The following PCDHGB1 variants were observed in gnomAD, a reference collection of about 807,000 sequenced individuals.
PCDHGB1 encodes the protein protocadherin gamma-B1.
Under a neutral mutation model 56.6 loss-of-function variants are expected in PCDHGB1, and 34 were observed. The observed-to-expected ratio is 0.60, with a 90% CI of 0.46 to 0.80. PCDHGB1 has a LOEUF of 0.80. PCDHGB1 is among the 30% of genes least tolerant of loss of function. PCDHGB1 has a pLI of 0.00. For synonymous variants in PCDHGB1, 561 were observed against 505.9 expected (o/e 1.11, Z -1.46); for missense variants, 1,278 against 1,204.6 (o/e 1.06, Z -0.90).
At chr5:141,452,909 TAC>T (rs1370071626) in intron 1 of PCDHGB1, among the ~76,000 whole-genome samples, 2 of 152,232 alleles carry the variant, frequency 1.3e-5, no homozygotes, top group African/African-American at 4.8e-5. Context: ...GTTGGCATTA[TAC>T]AGTAAGAAAG....
rs1562137380 is a variant in PCDHGB1, at chr5:141,490,297, G to T, written c.2410-4510G>T. On this transcript the variant is annotated intron_variant, in intron 1 of 3. Coordinates refer to ENST00000523390, the MANE Select transcript of PCDHGB1 (RefSeq NM_018922.3). This position sits in a 1 kb window ranked among gnomAD's most constrained non-coding sequence, Gnocchi z 5.4. The stretch of plus-strand genomic sequence containing the variant: ...TGACAATGCCCCAGAGGTGCTATTG[G>T]CCTCTTTGGCCAACCCTGTCCTAGA... 2 of 1,614,202 alleles carry T rather than the reference G, an allele frequency of 1.2e-6. No individual in the cohort carries two copies. Among genetic ancestry groups the T allele is most frequent in the South Asian group, 1.1e-5 (1 of 91,086 alleles).
chr5:141,375,879 G>A, intron 1 of PCDHGB1: 1 of 1,613,144 alleles, frequency 6.2e-7, no homozygotes, highest in South Asian at 1.1e-5. Flanking sequence ...AGAGACTCGG[G>A]CCAGAACGCC....
chr5:141,366,874 A>G, intron 1 of PCDHGB1: 2 of 1,387,376 alleles, frequency 1.4e-6, no homozygotes, highest in East Asian at 4.7e-5. Context: ...TGTATTGGAG[A>G]TTAATTTTTT....
chr5:141,400,678 TTG>T, intron 1 of PCDHGB1: 1 of 882,002 alleles, frequency 1.1e-6, no homozygotes, highest in Non-Finnish European at 1.7e-6. Flanking sequence ...GAGCAGTAAA[TTG>T]TGAGTTTTTA....
intron 1 of PCDHGB1, among the ~76,000 whole-genome samples, chr5:141,402,305 A>AT (rs2150927260): frequency 6.6e-6 from 1 of 152,140 alleles, no homozygotes; most frequent in South Asian, 2.1e-4. Flanking sequence ...GTATTAATAC[A>AT]ATTATATATT....
At chr5:141,413,561 A>G in intron 1 of PCDHGB1, 1 of 1,613,924 alleles carries the variant, frequency 6.2e-7, no homozygotes. Flanking sequence ...GAAGTAACTG[A>G]TATCAATGAC....
chr5:141,461,988 T>A (rs771762127), intron 1 of PCDHGB1, among the ~76,000 whole-genome samples: 1 of 152,170 alleles, frequency 6.6e-6, no homozygotes, highest in Non-Finnish European at 1.5e-5. Flanking sequence ...CACGCCAGGC[T>A]AATTTTGTAT....
rs200349180 is a variant in PCDHGB1, at chr5:141,351,181, G to C, written c.921G>C (p.Glu307Asp). 1.2e-6 allele frequency: 2 copies of C among 1,613,920 alleles called. No individual in the cohort carries two copies. The highest frequency in any genetic ancestry group is 2.7e-5 in the African/African-American group (2 of 74,930). The change falls in exon 1 of 4, where the codon GAG becomes GAC. Residue 307 changes from glutamate to aspartate, a missense_variant. Coordinates refer to ENST00000523390, the MANE Select transcript of PCDHGB1 (RefSeq NM_018922.3). ...ITTNGTLDFE[E>D]TSRYVLSVEA... ...CCAATGGCACATTGGATTTTGAAGA[G>C]ACAAGTAGATATGTGTTGAGTGTGG...
chr5:141,490,157 G>A lies in PCDHGB1; in HGVS notation c.2410-4650G>A. 6.2e-7 allele frequency: 1 copy of A among 1,614,210 alleles called. No homozygotes were observed. On this transcript the variant is annotated intron_variant, in intron 1 of 3. Transcript: ENST00000523390. The surrounding 1 kb of genome is among the most constrained non-coding windows in gnomAD (Gnocchi z 5.4). ...AGCAGTGGGGCAATCCATGTGTTGG[G>A]TCCCATAGACTTTGAGGAGTCACGT...
At position 141,510,947 on chromosome 5, in the gene PCDHGB1, A is replaced by C; in HGVS notation, c.2558A>C (p.Glu853Ala). Residue 853 changes from glutamate to alanine, a missense_variant and splice_region_variant, in exon 4 of 4, where the codon GAA (glutamate) becomes GCA (alanine). By Grantham distance (107) the Glu-to-Ala change is moderately radical. Transcript: ENST00000523390. ...ACCTGATCTTCCTCTGTCTCTGCAG[A>C]AGCTGCTGATGGGAGCTCCACCCTG... ...LQAMILASAS[E>A]AADGSSTLGG... The C allele has an allele frequency of 6.2e-7, 1 of 1,614,084 alleles. No individual in the cohort carries two copies. Among genetic ancestry groups the C allele is most frequent in the Non-Finnish European group, 8.5e-7 (1 of 1,180,000 alleles).
intron 2 of PCDHGB1, 35 bp from the exon 3 acceptor site, chr5:141,505,358 G>A (rs1156448862): frequency 6.2e-7 from 1 of 1,613,796 alleles, no homozygotes; most frequent in Non-Finnish European, 8.5e-7. Context: ...GTGCCGGCCT[G>A]GGAGTCTGTG....
At position 141,431,034 on chromosome 5, in the gene PCDHGB1, G is replaced by C. The variant is rs372312860; in HGVS notation, c.2410-63773G>C. 2.5e-6 allele frequency: 4 copies of C among 1,613,992 alleles called. No homozygotes were observed. The highest frequency in any genetic ancestry group is 2.7e-5 in the African/African-American group (2 of 74,938). On this transcript the variant is annotated intron_variant, in intron 1 of 3. Coordinates refer to ENST00000523390, the MANE Select transcript of PCDHGB1 (RefSeq NM_018922.3). The surrounding 1 kb of genome is among the most constrained non-coding windows in gnomAD (Gnocchi z 4.8). ...TTGGTCACGGCGGGCAGGATAGACC[G>C]GGAGGAGCTCTGTATGGGGGCCATC...
In PCDHGB1 at chr5:141,389,323, G is replaced by T. The variant is rs1230521211; in HGVS notation, c.2409+36654G>T. 26 of 1,613,980 alleles carry T rather than the reference G, an allele frequency of 1.6e-5. No individual in the cohort carries two copies. Among genetic ancestry groups the T allele is most frequent in the Non-Finnish European group, 1.8e-5 (21 of 1,179,896 alleles). ...GTCAGGGCTTCTGATCCGGACTTGG[G>T]GCCCAACGGCCAAGTCTCTTACTGC... On this transcript the variant is annotated intron_variant, in intron 1 of 3. Transcript: ENST00000523390.
At position 141,432,881 on chromosome 5, in the gene PCDHGB1, G is replaced by A; in HGVS notation, c.2410-61926G>A. On this transcript the variant is annotated intron_variant, in intron 1 of 3. Coordinates refer to ENST00000523390, the MANE Select transcript of PCDHGB1 (RefSeq NM_018922.3). This position sits in a 1 kb window ranked among gnomAD's most constrained non-coding sequence, Gnocchi z 6.0. ...GGTCTCCTGCGTCTTCCTGGCCTTC[G>A]TCATCTTGCTGCTGGCGCTCAGGCT... 6.2e-7 allele frequency: 1 copy of A among 1,614,170 alleles called. No homozygotes were observed. The highest frequency in any genetic ancestry group is 1.1e-5 in the South Asian group (1 of 91,088).
At chr5:141,419,897 A>C in intron 1 of PCDHGB1, 1 of 1,613,960 alleles carries the variant, frequency 6.2e-7, no homozygotes, top group Non-Finnish European at 8.5e-7. Context: ...CGACCATCCC[A>C]CACCCTCTGA....
intron 1 of PCDHGB1, chr5:141,360,434 C>T (rs761392081): frequency 1.9e-6 from 3 of 1,613,956 alleles, no homozygotes; most frequent in East Asian, 2.2e-5. Context: ...GGGAAGCAGC[C>T]TCTGTGTGTT....
chr5:141,483,661 T>TGTGTGA (rs1357903548), intron 1 of PCDHGB1, among the ~76,000 whole-genome samples: 7 of 152,042 alleles, frequency 4.6e-5, no homozygotes, highest in African/African-American at 1.7e-4. Context: ...TGTGTGTGTG[T>TGTGTGA]GTGTGTGTAA....
At position 141,403,695 on chromosome 5, in the gene PCDHGB1, G is replaced by T. The variant is rs376074779; in HGVS notation, c.2409+51026G>T. On this transcript the variant is annotated intron_variant, in intron 1 of 3. Transcript: ENST00000523390. ...CCGGTTTTTGCTCAACGGATTTACC[G>T]AGTTAAAGTCCTTGAGAACGTGCCC... The T allele has an allele frequency of 2.9e-5, 46 of 1,613,780 alleles. No individual in the cohort carries two copies. The highest frequency in any genetic ancestry group is 3.7e-5 in the Non-Finnish European group (44 of 1,179,906).
chr5:141,362,218 G>T, intron 1 of PCDHGB1: 1 of 1,614,032 alleles, frequency 6.2e-7, no homozygotes, highest in South Asian at 1.1e-5. Context: ...CCTGGTTGTG[G>T]CCTTGGCCTT....
Sources: gnomAD v4.1 joint callset for allele counts (sites outside exome capture counted in the v4.1 genomes callset) on GRCh38, gnomAD v4.1.1 for gene constraint, Gnocchi (gnomAD v3.1) non-coding constraint, MANE v1.5 for transcripts, NCBI Gene and HGNC (gene_info 2026-07-23, HGNC 2026-07-21) for gene names.